CHLSN: variants seen among roughly 807,000 people sequenced by gnomAD.
CHLSN encodes the protein protein cholesin.
chr7:1,092,845 A>G, the CHLSN span: 1 of 1,612,208 alleles, frequency 6.2e-7, no homozygotes, highest in Non-Finnish European at 8.5e-7. Flanking sequence ...GAGGTTCAGC[A>G]GTGCCGTGTA....
the CHLSN span, chr7:1,127,274 C>T: frequency 1.4e-5 from 22 of 1,598,948 alleles, no homozygotes; most frequent in Middle Eastern, 8.4e-4. Context: ...CCGGCTCCTT[C>T]GCCACTTGGT....
At chr7:1,058,514 G>A in the CHLSN span, 51 of 778,258 alleles carry the variant, frequency 6.6e-5, no homozygotes, top group Middle Eastern at 2.3e-4. Flanking sequence ...AGGTGCTGGC[G>A]TAGGCGGCCC....
At chr7:1,061,233 A>G in the CHLSN span, among the ~76,000 whole-genome samples, 1 of 152,042 alleles carries the variant, frequency 6.6e-6, no homozygotes, top group Non-Finnish European at 1.5e-5. Context: ...CCTGCATTCA[A>G]TACCCCTCAT....
At chr7:1,043,187 T>C in the CHLSN span, among the ~76,000 whole-genome samples, 4 of 151,920 alleles carry the variant, frequency 2.6e-5, no homozygotes, top group African/African-American at 4.8e-5. Context: ...GATCGTGTCA[T>C]TGCACTCCAG....
chr7:1,053,802 G>C, the CHLSN span, among the ~76,000 whole-genome samples: 1 of 152,148 alleles, frequency 6.6e-6, no homozygotes, highest in Non-Finnish European at 1.5e-5. Context: ...ACTCCAGCCT[G>C]GGCAACAGAG....
At chr7:1,024,274 G>T in the CHLSN span, among the ~76,000 whole-genome samples, 1 of 152,200 alleles carries the variant, frequency 6.6e-6, no homozygotes, top group Non-Finnish European at 1.5e-5. Flanking sequence ...GAGCTCAGAA[G>T]CCTCAGCTCA....
chr7:1,121,729 A>G, the CHLSN span, among the ~76,000 whole-genome samples: 2 of 152,242 alleles, frequency 1.3e-5, no homozygotes, highest in African/African-American at 4.8e-5. Context: ...AGGGCCAGAA[A>G]GACTGCACCT....
chr7:1,040,189 A>AATAAAAAAAAAAT, the CHLSN span, among the ~76,000 whole-genome samples: 1 of 144,612 alleles, frequency 6.9e-6, no homozygotes, highest in East Asian at 3.0e-4. Flanking sequence ...AATTTAAAAA[A>AATAAAAAAAAAAT]AAAAAAAAAA....
the CHLSN span, among the ~76,000 whole-genome samples, chr7:1,009,522 C>G: frequency 6.6e-6 from 1 of 152,216 alleles, no homozygotes; most frequent in Non-Finnish European, 1.5e-5. Flanking sequence ...CTGTGCCCAG[C>G]ACCCCACAAT....
chr7:986,130 G>A, the CHLSN span, among the ~76,000 whole-genome samples: 4 of 152,188 alleles, frequency 2.6e-5, no homozygotes, highest in African/African-American at 9.6e-5. Flanking sequence ...GAGACGCCGC[G>A]TGGAACTCAC....
chr7:1,016,842 C>CCAGCACACAG, the CHLSN span, among the ~76,000 whole-genome samples: 1 of 112,804 alleles, frequency 8.9e-6, no homozygotes, highest in Non-Finnish European at 1.7e-5. Flanking sequence ...GCAGCGCACG[C>CCAGCACACAG]CAGCACACAG....
At chr7:988,360 T>A in the CHLSN span, 1 of 1,612,666 alleles carries the variant, frequency 6.2e-7, no homozygotes, top group Non-Finnish European at 8.5e-7. Flanking sequence ...ACCCCGGCCA[T>A]TTCCTGGACG....
chr7:1,091,952 T>C, the CHLSN span: 1 of 1,613,986 alleles, frequency 6.2e-7, no homozygotes, highest in Non-Finnish European at 8.5e-7. Context: ...ATCGGCTTTG[T>C]GGGCAACATC....
chr7:997,689 C>T, the CHLSN span: 9 of 1,610,858 alleles, frequency 5.6e-6, no homozygotes, highest in East Asian at 1.8e-4. Context: ...GGGATCAGAG[C>T]CCTCCTCATC....
At chr7:1,047,635 C>T in the CHLSN span, among the ~76,000 whole-genome samples, 1 of 152,250 alleles carries the variant, frequency 6.6e-6, no homozygotes, top group East Asian at 1.9e-4. Context: ...AGAATATTCA[C>T]CCAAGGTTGA....
At chr7:1,058,470 C>G in the CHLSN span, 4 of 780,290 alleles carry the variant, frequency 5.1e-6, no homozygotes, top group East Asian at 9.7e-5. Context: ...CTGCGGGGAC[C>G]GGCACTGCTC....
the CHLSN span, among the ~76,000 whole-genome samples, chr7:1,048,243 G>A: frequency 6.6e-5 from 10 of 152,204 alleles, no homozygotes; most frequent in African/African-American, 1.9e-4. Context: ...ATCACCGGGC[G>A]TGGGACTTGC....
chr7:1,066,746 C>T, the CHLSN span, among the ~76,000 whole-genome samples: 17 of 152,362 alleles, frequency 1.1e-4, no homozygotes, highest in Admixed American at 5.2e-4. Context: ...GCCTCCAGCC[C>T]GGCACGAGGG....
the CHLSN span, among the ~76,000 whole-genome samples, chr7:1,040,036 G>A: frequency 1.3e-4 from 18 of 133,584 alleles, no homozygotes; most frequent in African/African-American, 4.3e-4. Context: ...CAAACACTGC[G>A]GAAGGCTGCA....
Sources: gnomAD v4.1 joint callset for allele counts (sites outside exome capture counted in the v4.1 genomes callset) on GRCh38, gnomAD v4.1.1 for gene constraint, MANE v1.5 for transcripts, NCBI Gene and HGNC (gene_info 2026-07-23, HGNC 2026-07-21) for gene names.